Variants in TBKBP1 observed in about 807,000 individuals in gnomAD.
TBKBP1 encodes TANK-binding kinase 1-binding protein 1.
Under a neutral mutation model 69.9 loss-of-function variants are expected in TBKBP1, and 47 were observed. The observed-to-expected ratio is 0.67, with a 90% CI of 0.53 to 0.86. The LOEUF is 0.86. Among genes scored for constraint, TBKBP1 ranks in the 40% least tolerant of loss-of-function variants. The pLI, the probability that TBKBP1 is intolerant of heterozygous loss-of-function variation, is 0.00. For synonymous variants in TBKBP1, 418 were observed against 390.3 expected (o/e 1.07, Z -0.84); for missense variants, 831 against 858.6 (o/e 0.97, Z 0.40).
chr17:47,706,267 T>C (rs1230305062), intron 7 of TBKBP1, among the ~76,000 whole-genome samples: 1 of 152,086 alleles, frequency 6.6e-6, no homozygotes, highest in Non-Finnish European at 1.5e-5. Context: ...GATAGCACGA[T>C]CCTGCCCTCC....
At position 47,710,620 on chromosome 17, in the gene TBKBP1, G is replaced by A. The variant is rs773353542; in HGVS notation, c.1842G>A (p.Lys614=). 1.4e-5 allele frequency: 23 copies of A among 1,600,604 alleles called. No homozygotes were observed. Among genetic ancestry groups the A allele is most frequent in the Non-Finnish European group, 2.0e-5 (23 of 1,169,240 alleles). ...KHIDSHLENS[K]I is the part of the protein sequence containing the mutation. The stretch of plus-strand genomic sequence containing the variant: ...TTGACTCCCACCTGGAGAACAGCAA[G>A]ATCTAGGGCACCAGCCCCACCCACT... The change falls in exon 10 of 10, where the codon AAG becomes AAA. Residue 614 remains lysine (K), a synonymous_variant. Coordinates refer to ENST00000578982, the MANE Select transcript of TBKBP1 (RefSeq NM_001394755.1).
chr17:47,702,481 C>T (rs929309238), intron 7 of TBKBP1, among the ~76,000 whole-genome samples: 12 of 152,060 alleles, frequency 7.9e-5, no homozygotes, highest in Admixed American at 6.6e-5. Context: ...AGTTTTATTG[C>T]GGGAGTCCTC....
rs2031356388 is a variant in TBKBP1 at position 47,698,701 on chromosome 17, C to T, written c.560C>T (p.Pro187Leu). ...GCCTTCTCCAACCTGAGCCCACCGC[C>T]AGCCCCCGCCCCTCCCTGCACTGAT... ...DAAFSNLSPP[P>L]APAPPCTDLD... The change falls in exon 5 of 10, where the codon CCA (proline) becomes CTA (leucine). Residue 187 changes from proline (P) to leucine (L), a missense_variant. Pro to Leu is a moderately conservative substitution (Grantham distance 98, BLOSUM62 -3). Coordinates refer to ENST00000578982, the MANE Select transcript of TBKBP1 (RefSeq NM_001394755.1). The T allele has an allele frequency of 6.2e-7, 1 of 1,606,954 alleles. No homozygotes were observed. The highest frequency in any genetic ancestry group is 1.7e-5 in the Admixed American group (1 of 59,144).
At chr17:47,696,928 C>T (rs549433410) in intron 3 of TBKBP1, 95 bp downstream of exon 3, 2 of 1,553,858 alleles carry the variant, frequency 1.3e-6, no homozygotes, top group African/African-American at 1.4e-5. Context: ...TGGCCTCTGC[C>T]CTTTGATTAG....
intron 7 of TBKBP1, among the ~76,000 whole-genome samples, chr17:47,707,764 T>G (rs527596098): frequency 2.0e-5 from 3 of 152,272 alleles, no homozygotes; most frequent in African/African-American, 7.2e-5. Flanking sequence ...GCAGTGGACA[T>G]GGAATTGGGC....
Position 47,699,408 on chromosome 17 carries a change from G to T in TBKBP1, c.723G>T (p.Arg241=). The T allele has an allele frequency of 6.4e-7, 1 of 1,567,360 alleles. No homozygotes were observed. The highest frequency in any genetic ancestry group is 2.2e-4 in the Middle Eastern group (1 of 4,574). The part of the protein sequence containing the change: ...EALEAAQGEA[R]GAQLREEQLQ... ...TGGAGGCCGCGCAGGGAGAGGCCCG[G>T]GGGGCTCAGCTCCGGGAGGAGCAGC... is the stretch of plus-strand genomic sequence containing the variant. Residue 241 remains arginine (R), a synonymous_variant, in exon 6 of 10, where the codon CGG becomes CGT. Transcript: ENST00000578982.
intron 7 of TBKBP1, among the ~76,000 whole-genome samples, chr17:47,704,217 T>A (rs2031620099): frequency 6.6e-6 from 1 of 152,188 alleles, no homozygotes; most frequent in Admixed American, 6.5e-5. Context: ...ACCCGGGATG[T>A]CAGCTCTGGT....
chr17:47,707,203 G>T (rs1390251624), intron 7 of TBKBP1, among the ~76,000 whole-genome samples: 2 of 152,242 alleles, frequency 1.3e-5, no homozygotes, highest in African/African-American at 4.8e-5. Flanking sequence ...TGAAGGCAGG[G>T]CCCAAGGGCA....
rs768245255 is a variant in TBKBP1, at chr17:47,709,411, T to TACGCCC, written c.1684_1689dup (p.His562_Ala563dup). 5 of 1,541,124 alleles carry TACGCCC rather than the reference T, an allele frequency of 3.2e-6. No homozygotes were observed. Among genetic ancestry groups the TACGCCC allele is most frequent in the South Asian group, 1.2e-5 (1 of 84,294 alleles). ...CCCCGAGTCGCCCGCCGCCACCGCC[T>TACGCCC]ACGCCCACGCCGAGCACGCGCAGTC... is the stretch of plus-strand genomic sequence containing the variant. On this transcript the variant is annotated inframe_insertion, in exon 9 of 10. Coordinates refer to ENST00000578982, the MANE Select transcript of TBKBP1 (RefSeq NM_001394755.1).
chr17:47,701,910 C>T (rs924386214), intron 7 of TBKBP1, among the ~76,000 whole-genome samples: 3 of 152,212 alleles, frequency 2.0e-5, no homozygotes, highest in Admixed American at 2.0e-4. Flanking sequence ...CCTCCTGGCT[C>T]CTCCCCTCCT....
rs1467998895 is a variant in TBKBP1 at position 47,697,124 on chromosome 17, A to T, written c.384A>T (p.Gly128=). ...ACAAGGAGCAGGAAGAACAGCTTGGAGAGATGATCCAGGCCTACGAGAAAC... is the reference window on the plus strand; with the variant it reads ...ACAAGGAGCAGGAAGAACAGCTTGGTGAGATGATCCAGGCCTACGAGAAAC... ...QKNKEQEEQL[G]EMIQAYEKLC... The change falls in exon 4 of 10, where the codon GGA becomes GGT. Residue 128 remains glycine, a synonymous_variant. Transcript: ENST00000578982. 6.2e-7 allele frequency: 1 copy of T among 1,612,896 alleles called. No homozygotes were observed. Among genetic ancestry groups the T allele is most frequent in the Non-Finnish European group, 8.5e-7 (1 of 1,179,412 alleles).
At chr17:47,703,148 T>C (rs1251018034) in intron 7 of TBKBP1, among the ~76,000 whole-genome samples, 1 of 152,058 alleles carries the variant, frequency 6.6e-6, no homozygotes, top group African/African-American at 2.4e-5. Context: ...TAGGCCTTTC[T>C]TTCTTCCCAA....
At chr17:47,698,860 C>T in intron 5 of TBKBP1, 85 bp downstream of exon 5, 1 of 1,240,512 alleles carries the variant, frequency 8.1e-7, no homozygotes, top group South Asian at 1.6e-5. Context: ...ACTTACCATC[C>T]CATTTGTAAT....
At chr17:47,695,979 G>C in intron 1 of TBKBP1, 100 bp from the exon 2 acceptor site, 1 of 668,458 alleles carries the variant, frequency 1.5e-6, no homozygotes, top group South Asian at 2.0e-5. Context: ...TTTCTGGGTT[G>C]CATCTTAGCC....
Position 47,699,689 on chromosome 17 carries a change from G to T in TBKBP1, c.864G>T (p.Gly288=). 1 of 1,613,982 alleles carries T rather than the reference G, an allele frequency of 6.2e-7. No individual in the cohort carries two copies. Among genetic ancestry groups the T allele is most frequent in the Non-Finnish European group, 8.5e-7 (1 of 1,179,882 alleles). ...ERDMAWVKRV[G]DDQVNLALAY... ...ACATGGCGTGGGTGAAAAGAGTTGG[G>T]GATGATCAGTAAGTCACATTGGTAA... The change falls in exon 7 of 10, where the codon GGG becomes GGT. Residue 288 remains glycine, a synonymous_variant. Coordinates refer to ENST00000578982, the MANE Select transcript of TBKBP1 (RefSeq NM_001394755.1).
At chr17:47,700,309 T>TTTTTTTTTTTTTTTTG in intron 7 of TBKBP1, among the ~76,000 whole-genome samples, 1 of 115,816 alleles carries the variant, frequency 8.6e-6, no homozygotes, top group African/African-American at 3.4e-5. Context: ...TTTTTTTTTT[T>TTTTTTTTTTTTTTTTG]TTTTTTTGGA....
intron 7 of TBKBP1, among the ~76,000 whole-genome samples, chr17:47,703,208 C>A (rs549026700): frequency 1.3e-5 from 2 of 152,244 alleles, no homozygotes; most frequent in South Asian, 4.1e-4. Context: ...ACCACCTCCC[C>A]CCCCACCCCT....
intron 4 of TBKBP1, among the ~76,000 whole-genome samples, chr17:47,698,070 C>T (rs557449772): frequency 4.6e-5 from 7 of 151,992 alleles, no homozygotes; most frequent in African/African-American, 1.7e-4. Flanking sequence ...AATATTAACA[C>T]CCTCACCAGG....
At chr17:47,709,767 AC>A (rs1454382470) in intron 9 of TBKBP1, among the ~76,000 whole-genome samples, 1 of 152,250 alleles carries the variant, frequency 6.6e-6, no homozygotes, top group African/African-American at 2.4e-5. Flanking sequence ...TGTGCAAGTT[AC>A]TTATCCTCTC....
Sources: allele counts gnomAD v4.1 joint callset (sites outside exome capture counted in the v4.1 genomes callset), GRCh38; gene constraint gnomAD v4.1.1; transcripts MANE v1.5; gene names NCBI Gene and HGNC (gene_info 2026-07-23, HGNC 2026-07-21).